PTPRM: variants seen among roughly 807,000 people sequenced by gnomAD.
The protein encoded by PTPRM is protein tyrosine phosphatase receptor type M.
A neutral mutation model predicts 186.7 loss-of-function variants in PTPRM; 47 were observed. That is an observed-to-expected ratio of 0.25 (90% CI 0.20 to 0.32). The LOEUF is 0.32. PTPRM is among the 10% of genes least tolerant of loss of function. The pLI, the probability that PTPRM is intolerant of heterozygous loss-of-function variation, is 1.00. For synonymous variants in PTPRM, 668 were observed against 674.9 expected (o/e 0.99, Z 0.16); for missense variants, 1,494 against 1,865.0 (o/e 0.80, Z 3.66).
At chr18:7,894,026 C>G (rs1402672947) in intron 3 of PTPRM, among the ~76,000 whole-genome samples, 2 of 152,042 alleles carry the variant, frequency 1.3e-5, no homozygotes, top group Non-Finnish European at 2.9e-5. Context: ...AACAAACAAA[C>G]AAACAAAAAA....
At chr18:7,885,089 T>C (rs534447394) in intron 2 of PTPRM, among the ~76,000 whole-genome samples, 1 of 152,074 alleles carries the variant, frequency 6.6e-6, no homozygotes, top group South Asian at 2.1e-4. Context: ...TGAACTCCAC[T>C]CTGGCACAGA....
At chr18:7,993,083 A>G (rs2083346691) in intron 7 of PTPRM, among the ~76,000 whole-genome samples, 1 of 151,978 alleles carries the variant, frequency 6.6e-6, no homozygotes, top group South Asian at 2.1e-4. Flanking sequence ...TGAATGAAAT[A>G]ACAATACAGT....
chr18:8,004,424 C>T (rs907563904), intron 7 of PTPRM, among the ~76,000 whole-genome samples: 1 of 150,812 alleles, frequency 6.6e-6, no homozygotes, highest in African/African-American at 2.4e-5. Flanking sequence ...CATGAGTTCT[C>T]ATATTTTGAC....
intron 30 of PTPRM, among the ~76,000 whole-genome samples, chr18:8,386,559 C>T (rs1568882973): frequency 6.6e-6 from 1 of 152,200 alleles, no homozygotes; most frequent in African/African-American, 2.4e-5. Context: ...AGCTAAGTAA[C>T]ACTTTTTTGA....
At chr18:8,072,910 A>T (rs2089576239) in intron 8 of PTPRM, among the ~76,000 whole-genome samples, 1 of 152,128 alleles carries the variant, frequency 6.6e-6, no homozygotes, top group Admixed American at 6.5e-5. Context: ...TTATTTATTC[A>T]TATTGTTTTA....
intron 2 of PTPRM, among the ~76,000 whole-genome samples, chr18:7,846,562 A>T (rs1394437657): frequency 6.6e-6 from 1 of 152,156 alleles, no homozygotes; most frequent in African/African-American, 2.4e-5. Flanking sequence ...TGTAGCCGGG[A>T]ATTATGCACA....
intron 4 of PTPRM, among the ~76,000 whole-genome samples, chr18:7,911,106 T>TTTCACTCC (rs1480770218): frequency 6.6e-6 from 1 of 152,240 alleles, no homozygotes; most frequent in Non-Finnish European, 1.5e-5. Flanking sequence ...TATATCAATA[T>TTTCACTCC]TTCACTCCTT....
At chr18:8,323,263 C>A (rs115106802) in intron 22 of PTPRM, among the ~76,000 whole-genome samples, 2,187 of 152,264 alleles carry the variant, frequency 0.014, 55 homozygotes, top group African/African-American at 0.049. Flanking sequence ...TCCTTCCTCA[C>A]TTCTAAGTGA....
At chr18:8,198,707 C>T (rs1568505630) in intron 14 of PTPRM, among the ~76,000 whole-genome samples, 1 of 152,100 alleles carries the variant, frequency 6.6e-6, no homozygotes, top group African/African-American at 2.4e-5. Flanking sequence ...TCCACCTTAC[C>T]CTTTTGGCTA....
chr18:8,078,797 C>T (rs1026828759), intron 9 of PTPRM, among the ~76,000 whole-genome samples: 2 of 152,128 alleles, frequency 1.3e-5, no homozygotes, highest in Non-Finnish European at 2.9e-5. Flanking sequence ...GCAGCAGGCA[C>T]GTCACATGGC....
chr18:7,630,279 C>T (rs750759775), intron 1 of PTPRM, among the ~76,000 whole-genome samples: 43 of 152,166 alleles, frequency 2.8e-4, no homozygotes, highest in African/African-American at 5.3e-4. Context: ...AGGATTCGGC[C>T]GTCACCAGGG....
intron 23 of PTPRM, among the ~76,000 whole-genome samples, chr18:8,346,056 C>A (rs1305617444): frequency 1.3e-5 from 2 of 152,138 alleles, no homozygotes; most frequent in African/African-American, 4.8e-5. Flanking sequence ...AGTATAGAAA[C>A]CATTTCTTTC....
intron 1 of PTPRM, among the ~76,000 whole-genome samples, chr18:7,671,084 G>A (rs2039208416): frequency 6.6e-6 from 1 of 152,180 alleles, no homozygotes; most frequent in South Asian, 2.1e-4. Context: ...ATCGTTGAAT[G>A]AGTCCCTGAG....
At chr18:7,675,027 G>A (rs1281681378) in intron 1 of PTPRM, among the ~76,000 whole-genome samples, 1 of 152,168 alleles carries the variant, frequency 6.6e-6, no homozygotes, top group African/African-American at 2.4e-5. Context: ...AAAGAGTGTT[G>A]TAAGTTGACA....
intron 2 of PTPRM, among the ~76,000 whole-genome samples, chr18:7,886,217 A>G (rs2048777207): frequency 6.6e-6 from 1 of 152,198 alleles, no homozygotes; most frequent in South Asian, 2.1e-4. Flanking sequence ...AGAGCAGGAA[A>G]ACACAATCTG....
At chr18:8,328,954 G>A (rs780811406) in intron 22 of PTPRM, among the ~76,000 whole-genome samples, 1 of 152,210 alleles carries the variant, frequency 6.6e-6, no homozygotes, top group Non-Finnish European at 1.5e-5. Context: ...TAAAGGAAGA[G>A]TTAAAGTTAA....
At chr18:7,770,970 C>T (rs638237) in intron 1 of PTPRM, among the ~76,000 whole-genome samples, 4 of 151,668 alleles carry the variant, frequency 2.6e-5, no homozygotes, top group Admixed American at 6.6e-5. Context: ...TCATAAGTCC[C>T]GAAAGAACCA....
At chr18:7,963,855 C>A (rs2053842852) in intron 7 of PTPRM, among the ~76,000 whole-genome samples, 1 of 152,144 alleles carries the variant, frequency 6.6e-6, no homozygotes, top group Non-Finnish European at 1.5e-5. Flanking sequence ...TAGTATGAGG[C>A]CTTGTCTGAG....
At chr18:7,796,590 T>A (rs571609990) in intron 2 of PTPRM, among the ~76,000 whole-genome samples, 4 of 152,204 alleles carry the variant, frequency 2.6e-5, no homozygotes, top group African/African-American at 9.6e-5. Flanking sequence ...TTCCCAGTGG[T>A]AGGGGAGCAG....
Sources: allele counts gnomAD v4.1 joint callset (sites outside exome capture counted in the v4.1 genomes callset), GRCh38; gene constraint gnomAD v4.1.1; transcripts MANE v1.5; gene names NCBI Gene and HGNC (gene_info 2026-07-23, HGNC 2026-07-21).